MRPL1: variants seen among roughly 807,000 people sequenced by gnomAD.
MRPL1 encodes large ribosomal subunit protein uL1m.
MRPL1 carries 28 observed loss-of-function variants against 38.0 expected under a neutral mutation model. The ratio of observed to expected loss-of-function variants is 0.74; its 90% CI spans 0.55 to 1.01. The LOEUF (loss-of-function observed/expected upper bound fraction) is 1.01, where lower values mean the gene tolerates loss of function less well. Ranked by LOEUF, MRPL1 falls within the 50% of genes least tolerant of loss-of-function variation. The pLI is 0.00. For synonymous variants in MRPL1, 123 were observed against 126.7 expected, an observed-to-expected ratio of 0.97 and a Z score of 0.20; for missense variants, 358 against 389.8, an observed-to-expected ratio of 0.92 and a Z score of 0.69.
intron 7 of MRPL1, among the ~76,000 whole-genome samples, chr4:77,913,786 GAAAT>G (rs1035451079): frequency 1.3e-5 from 2 of 152,242 alleles, no homozygotes; most frequent in African/African-American, 4.8e-5. Flanking sequence ...GTAATAAAAA[GAAAT>G]AAAGTTGATA....
At chr4:77,909,231 G>T in intron 6 of MRPL1, 35 bp from the exon 7 acceptor site, 1 of 1,208,148 alleles carries the variant, frequency 8.3e-7, no homozygotes, top group South Asian at 1.2e-5. Context: ...TACTTATTTG[G>T]AGTGATAATT....
chr4:77,892,288 C>T (rs563363960), intron 5 of MRPL1, among the ~76,000 whole-genome samples: 5 of 152,004 alleles, frequency 3.3e-5, no homozygotes, highest in South Asian at 2.1e-4. Context: ...CCTGCCACCA[C>T]GCCCAGCTAA....
Position 77,887,218 on chromosome 4 carries a change from A to G in MRPL1, c.487-2A>G. The G allele has an allele frequency of 1.2e-6, 2 of 1,610,570 alleles. No individual in the cohort carries two copies. The highest frequency in any genetic ancestry group is 1.7e-6 in the Non-Finnish European group (2 of 1,176,738). On this transcript the variant is annotated splice_acceptor_variant, in intron 4 of 8. Transcript: ENST00000315567. LOFTEE classifies it high-confidence loss of function. ...GATTTTCAAATTATTGTGTTTTGGT[A>G]GAATGCATCAGAGGTCAAAATAGCG...
At chr4:77,909,130 CAG>C (rs2110248029) in intron 6 of MRPL1, 134 bp from the exon 7 acceptor site, 1 of 656,904 alleles carries the variant, frequency 1.5e-6, no homozygotes, top group East Asian at 2.8e-5. Flanking sequence ...CACCAGGAAA[CAG>C]AGCTCTTTGG....
At chr4:77,904,792 G>C (rs1019941874) in intron 6 of MRPL1, among the ~76,000 whole-genome samples, 2 of 152,176 alleles carry the variant, frequency 1.3e-5, no homozygotes, top group Admixed American at 1.3e-4. Flanking sequence ...TCAATGAATT[G>C]TGCTGAAATA....
At chr4:77,899,970 T>G (rs1355219569) in intron 6 of MRPL1, among the ~76,000 whole-genome samples, 1 of 152,184 alleles carries the variant, frequency 6.6e-6, no homozygotes, top group Admixed American at 6.5e-5. Context: ...TCTTTGTCAG[T>G]TACTGTGACC....
intron 7 of MRPL1, among the ~76,000 whole-genome samples, chr4:77,939,655 A>G (rs745917936): frequency 6.6e-6 from 1 of 152,198 alleles, no homozygotes; most frequent in Non-Finnish European, 1.5e-5. Flanking sequence ...GTTATCTTCT[A>G]GAATTTTTAT....
intron 6 of MRPL1, among the ~76,000 whole-genome samples, chr4:77,902,824 A>G (rs185724224): frequency 3.9e-5 from 6 of 152,344 alleles, no homozygotes. Flanking sequence ...GAAAACCTGA[A>G]TAGATCTGTA....
chr4:77,913,662 A>C (rs1736341474), intron 7 of MRPL1, among the ~76,000 whole-genome samples: 1 of 152,222 alleles, frequency 6.6e-6, no homozygotes, highest in Non-Finnish European at 1.5e-5. Context: ...AAATGAAAAC[A>C]TGTGTCCATA....
chr4:77,906,730 C>T (rs561586644), intron 6 of MRPL1, among the ~76,000 whole-genome samples: 24 of 151,882 alleles, frequency 1.6e-4, no homozygotes, highest in South Asian at 6.2e-4. Flanking sequence ...TGAAAACAAA[C>T]GTAAAAAAAT....
At chr4:77,929,138 G>C (rs1031323304) in intron 7 of MRPL1, among the ~76,000 whole-genome samples, 1 of 152,200 alleles carries the variant, frequency 6.6e-6, no homozygotes, top group African/African-American at 2.4e-5. Context: ...TTAAAAAGCA[G>C]TGGTAAGCTG....
At chr4:77,929,639 T>C (rs1172466240) in intron 7 of MRPL1, among the ~76,000 whole-genome samples, 2 of 152,182 alleles carry the variant, frequency 1.3e-5, no homozygotes, top group Non-Finnish European at 2.9e-5. Flanking sequence ...ATACCACAGC[T>C]TGTCTTTATA....
intron 7 of MRPL1, among the ~76,000 whole-genome samples, chr4:77,914,802 G>A (rs768160622): frequency 1.3e-5 from 2 of 151,930 alleles, no homozygotes; most frequent in Non-Finnish European, 2.9e-5. Context: ...ACGGTATGAC[G>A]GTATCACATG....
At chr4:77,869,033 A>G (rs1483217577) in intron 1 of MRPL1, among the ~76,000 whole-genome samples, 5 of 152,366 alleles carry the variant, frequency 3.3e-5, no homozygotes, top group South Asian at 2.1e-4. Flanking sequence ...AGAACAGTTT[A>G]GAGGCTGTGG....
chr4:77,907,031 A>G, intron 6 of MRPL1: 2 of 985,364 alleles, frequency 2.0e-6, no homozygotes, highest in Non-Finnish European at 2.4e-6. Context: ...TAATCCTAGG[A>G]ATAATGTATG....
intron 7 of MRPL1, among the ~76,000 whole-genome samples, chr4:77,948,484 TTC>T (rs1443261097): frequency 6.6e-6 from 1 of 152,196 alleles, no homozygotes; most frequent in Non-Finnish European, 1.5e-5. Flanking sequence ...CTCTCAGAAC[TTC>T]TAGTTAAGGA....
At chr4:77,865,454 CTG>C (rs1411160805) in intron 1 of MRPL1, among the ~76,000 whole-genome samples, 1 of 151,396 alleles carries the variant, frequency 6.6e-6, no homozygotes, top group East Asian at 1.9e-4. Flanking sequence ...CAGGATCTCA[CTG>C]TGTTGGCCAG....
At chr4:77,904,748 G>A (rs1352236712) in intron 6 of MRPL1, among the ~76,000 whole-genome samples, 1 of 152,130 alleles carries the variant, frequency 6.6e-6, no homozygotes, top group Non-Finnish European at 1.5e-5. Context: ...TTTCAGCAAA[G>A]GTGTCAAGGT....
intron 1 of MRPL1, among the ~76,000 whole-genome samples, chr4:77,870,211 C>G (rs1041250884): frequency 1.3e-5 from 2 of 152,082 alleles, no homozygotes; most frequent in African/African-American, 4.8e-5. Flanking sequence ...TTTAAAATAG[C>G]AGATTGCAAT....
Sources: gnomAD v4.1 joint callset for allele counts (sites outside exome capture counted in the v4.1 genomes callset) on GRCh38, gnomAD v4.1.1 for gene constraint, MANE v1.5 for transcripts, NCBI Gene and HGNC (gene_info 2026-07-23, HGNC 2026-07-21) for gene names.